Variants in ABCB10 observed in about 807,000 individuals in gnomAD.
The protein encoded by ABCB10 is ATP-binding cassette sub-family B member 10, mitochondrial.
In ABCB10, 54 loss-of-function variants were observed where a neutral mutation model predicts 65.4. The ratio of observed to expected loss-of-function variants is 0.83; its 90% confidence interval spans 0.66 to 1.04. The LOEUF is 1.04. Ranked by LOEUF, ABCB10 falls within the 50% of genes least tolerant of loss-of-function variation. The pLI, the probability that ABCB10 is intolerant of heterozygous loss-of-function variation, is 0.00. For missense variants in ABCB10, 846 were observed against 976.6 expected (o/e 0.87, Z 1.78); for synonymous variants, 418 against 406.5 (o/e 1.03, Z -0.34).
intron 11 of ABCB10, chr1:229,519,109 T>C (rs892100092): frequency 2.7e-6 from 1 of 375,162 alleles, no homozygotes; most frequent in Non-Finnish European, 4.8e-6. Flanking sequence ...CTGGGTTCAA[T>C]GCAGGAAATA....
At chr1:229,539,902 A>G (rs1662804254) in intron 5 of ABCB10, among the ~76,000 whole-genome samples, 1 of 152,208 alleles carries the variant, frequency 6.6e-6, no homozygotes, top group South Asian at 2.1e-4. Flanking sequence ...AAACAAATAA[A>G]TATCTACTGT....
In ABCB10 at chr1:229,540,847, C is replaced by T. The variant is rs1050081654; in HGVS notation, c.1057-95G>A. 20 of 1,375,442 alleles carry T rather than the reference C, an allele frequency of 1.5e-5. No individual in the cohort carries two copies. The Middle Eastern group carries it at 6.8e-4, about 47-fold the overall frequency. The allele number at this position is 1,375,442 out of a possible 1,614,324, so 85.2% of individuals were successfully genotyped here. On this transcript the variant is annotated intron_variant, in intron 4 of 12. Coordinates refer to ENST00000344517, the MANE Select transcript of ABCB10 (RefSeq NM_012089.3). ...AAAATGTGGTTCTCATTTTGTTATT[C>T]ATTAGAAAGAAAAGAAAAGAAATAG...
chr1:229,554,419 T>C (rs1396346785), intron 1 of ABCB10, among the ~76,000 whole-genome samples: 1 of 151,926 alleles, frequency 6.6e-6, no homozygotes, highest in Admixed American at 6.6e-5. Flanking sequence ...AAAATTAAAA[T>C]AAAACAGTTA....
chr1:229,520,042 G>A (rs1435042976), intron 11 of ABCB10, among the ~76,000 whole-genome samples: 1 of 147,538 alleles, frequency 6.8e-6, no homozygotes, highest in East Asian at 2.0e-4. Flanking sequence ...GCTGAGACAG[G>A]TAGATTACTG....
intron 7 of ABCB10, 82 bp from the exon 8 acceptor site, chr1:229,530,490 C>CCAGATGAG: frequency 2.8e-6 from 4 of 1,435,234 alleles, no homozygotes; most frequent in Non-Finnish European, 3.9e-6. Context: ...ACTCATCTGG[C>CCAGATGAG]TATGGATGGG....
At chr1:229,550,432 G>C (rs1663078954) in intron 1 of ABCB10, among the ~76,000 whole-genome samples, 1 of 149,654 alleles carries the variant, frequency 6.7e-6, no homozygotes, top group African/African-American at 2.5e-5. Flanking sequence ...GCCTGAGGTA[G>C]GAGGATTACT....
rs988761182 is a variant in ABCB10 at position 229,530,138 on chromosome 1, G to A, written c.1645+61C>T. 1.9e-5 allele frequency: 29 copies of A among 1,538,036 alleles called. No homozygotes were observed. In the Admixed American group the frequency reaches 2.0e-4, roughly 11 times the overall value. ...GCATGGTTTGAGCATCTCCTAGGGC[G>A]CAAAAGTGGGAGCAGAGCTCGGGAG... On this transcript the variant is annotated intron_variant, in intron 8 of 12. Transcript: ENST00000344517.
intron 3 of ABCB10, among the ~76,000 whole-genome samples, chr1:229,546,539 C>T (rs553170670): frequency 3.3e-4 from 50 of 152,152 alleles, no homozygotes; most frequent in African/African-American, 1.2e-3. Context: ...CTTGAGATGA[C>T]AATATTTTGT....
chr1:229,542,429 T>C, intron 3 of ABCB10, 58 bp from the exon 4 acceptor site: 2 of 1,576,992 alleles, frequency 1.3e-6, no homozygotes, highest in Non-Finnish European at 8.6e-7. Flanking sequence ...CAAGACATTC[T>C]CATTACCTAC....
At chr1:229,541,811 G>A (rs1662852727) in intron 4 of ABCB10, among the ~76,000 whole-genome samples, 2 of 151,940 alleles carry the variant, frequency 1.3e-5, no homozygotes, top group African/African-American at 2.4e-5. Context: ...ATGGTGGCAT[G>A]GGGCGATAGT....
intron 6 of ABCB10, among the ~76,000 whole-genome samples, chr1:229,537,722 G>A (rs1003534872): frequency 3.9e-5 from 6 of 152,178 alleles, no homozygotes; most frequent in Admixed American, 1.3e-4. Flanking sequence ...CCCGGGAGGC[G>A]GGGGTTGCAG....
intron 6 of ABCB10, among the ~76,000 whole-genome samples, chr1:229,532,978 T>A (rs2102691560): frequency 6.6e-6 from 1 of 152,254 alleles, no homozygotes; most frequent in South Asian, 2.1e-4. Context: ...CTCTTTATTT[T>A]TATTTTTTTG....
At chr1:229,523,033 A>G (rs770057124) in intron 10 of ABCB10, among the ~76,000 whole-genome samples, 19 of 152,256 alleles carry the variant, frequency 1.2e-4, no homozygotes, top group Admixed American at 3.3e-4. Flanking sequence ...CTTATTCTTT[A>G]TGATGTTCTT....
intron 8 of ABCB10, among the ~76,000 whole-genome samples, chr1:229,528,917 A>G (rs1662504828): frequency 6.6e-6 from 1 of 152,198 alleles, no homozygotes; most frequent in Non-Finnish European, 1.5e-5. Context: ...GATAGAAGTA[A>G]AATCATGTGC....
rs554208713 is a variant in ABCB10 at position 229,518,528 on chromosome 1, G to A, written c.1986-118C>T. ...TTTTACCATGATCAAAATTTCAACTGTTTAGGACTTTCTGATCTCCATAAA... is the reference window on the plus strand; with the variant it reads ...TTTTACCATGATCAAAATTTCAACTATTTAGGACTTTCTGATCTCCATAAA... On this transcript the variant is annotated intron_variant, in intron 12 of 12. Transcript: ENST00000344517. 406 of 825,906 alleles carry A rather than the reference G, an allele frequency of 4.9e-4. 1 individual carries two copies. The highest frequency in any genetic ancestry group is 1.1e-3 in the African/African-American group (63 of 58,314). The allele number at this position is 825,906 out of a possible 1,614,324, so 51.2% of individuals were successfully genotyped here.
intron 1 of ABCB10, among the ~76,000 whole-genome samples, chr1:229,556,159 C>G (rs1297615109): frequency 1.3e-5 from 2 of 152,036 alleles, no homozygotes; most frequent in Non-Finnish European, 2.9e-5. Flanking sequence ...GCAGATCACC[C>G]GAGGTCGGGA....
intron 9 of ABCB10, 136 bp from the exon 10 acceptor site, chr1:229,526,252 G>T: frequency 1.1e-6 from 1 of 926,368 alleles, no homozygotes; most frequent in Non-Finnish European, 1.6e-6. Flanking sequence ...TTCTCACCAT[G>T]CTGCAAGCAA....
chr1:229,524,506 GA>G (rs34572391), intron 10 of ABCB10, among the ~76,000 whole-genome samples: 4 of 147,496 alleles, frequency 2.7e-5, no homozygotes, highest in African/African-American at 5.0e-5. Flanking sequence ...TATTTGTATT[GA>G]AAAAAAAAAG....
intron 8 of ABCB10, 36 bp downstream of exon 8, chr1:229,530,163 G>A (rs1303801232): frequency 1.2e-6 from 2 of 1,605,526 alleles, no homozygotes; most frequent in South Asian, 1.1e-5. Flanking sequence ...GAGCTCGGGA[G>A]AGTCCCTCGG....
Sources: gnomAD v4.1 joint callset for allele counts (sites outside exome capture counted in the v4.1 genomes callset) on GRCh38, gnomAD v4.1.1 for gene constraint, MANE v1.5 for transcripts, NCBI Gene and HGNC (gene_info 2026-07-23, HGNC 2026-07-21) for gene names.